The following INPP4B variants were observed in gnomAD, a reference collection of about 807,000 sequenced individuals.
INPP4B encodes the protein inositol polyphosphate-4-phosphatase type II B.
Under a neutral mutation model 122.5 loss-of-function variants are expected in INPP4B, and 55 were observed. That is an observed-to-expected ratio of 0.45 (90% CI 0.36 to 0.56). INPP4B has a LOEUF of 0.56. INPP4B is among the 20% of genes least tolerant of loss of function. INPP4B has a pLI of 0.00. For synonymous variants in INPP4B, 403 were observed against 388.7 expected, an observed-to-expected ratio of 1.04 and a Z score of -0.43; for missense variants, 1,000 against 1,097.7, an observed-to-expected ratio of 0.91 and a Z score of 1.26.
At position 142,421,311 on chromosome 4, in the gene INPP4B, G is replaced by T. The variant is rs561533989; in HGVS notation, c.136+7862C>A. Reference sequence around the variant, plus strand: ...TCAAAATTGACATAGCTCAAAGAAAGGCTCAATGGGAAAATTATTGTCTAT... The same window carrying T: ...TCAAAATTGACATAGCTCAAAGAAATGCTCAATGGGAAAATTATTGTCTAT... On this transcript the variant is annotated intron_variant, in intron 5 of 25. Coordinates refer to ENST00000262992, the MANE Select transcript of INPP4B (RefSeq NM_001101669.3). 1.3e-5 allele frequency among the ~76,000 whole-genome samples: 2 copies of T among 152,158 alleles called. 1 individual carries two copies. Among genetic ancestry groups the T allele is most frequent in the South Asian group, 4.1e-4 (2 of 4,828 alleles).
chr4:142,379,885 G>T (rs1243968115), intron 7 of INPP4B, among the ~76,000 whole-genome samples: 1 of 152,200 alleles, frequency 6.6e-6, no homozygotes, highest in East Asian at 1.9e-4. Flanking sequence ...TCACAGCTGT[G>T]CCAGGAATGC....
At chr4:142,334,081 A>G (rs1177501806) in intron 7 of INPP4B, among the ~76,000 whole-genome samples, 1 of 152,014 alleles carries the variant, frequency 6.6e-6, no homozygotes, top group East Asian at 1.9e-4. Context: ...TATGAGTTTG[A>G]CTTTTTTAGA....
chr4:142,650,910 G>A (rs1291405774), intron 2 of INPP4B, among the ~76,000 whole-genome samples: 1 of 152,116 alleles, frequency 6.6e-6, no homozygotes, highest in Non-Finnish European at 1.5e-5. Flanking sequence ...CAAATCAACA[G>A]AATATGCATT....
Position 142,312,057 on chromosome 4 carries a change from C to T in INPP4B, c.423+2655G>A, listed in dbSNP as rs535643381. Among the ~76,000 whole-genome samples, 10 of 152,240 alleles carry T rather than the reference C, an allele frequency of 6.6e-5. No homozygotes were observed. In the South Asian group the frequency reaches 1.9e-3, roughly 28 times the overall value. On this transcript the variant is annotated intron_variant, in intron 8 of 25. Coordinates refer to ENST00000262992, the MANE Select transcript of INPP4B (RefSeq NM_001101669.3). ...ACGTTACTTGCCTTAGGGTACGTTCCTAATTGCAAAAATAGGCATGTCACA... is the reference window on the plus strand; with the variant it reads ...ACGTTACTTGCCTTAGGGTACGTTCTTAATTGCAAAAATAGGCATGTCACA...
At chr4:142,123,177 GTAATACTTGGCACAA>G (rs1246750028) in intron 20 of INPP4B, 100 bp downstream of exon 20, 1 of 821,764 alleles carries the variant, frequency 1.2e-6, no homozygotes, top group Admixed American at 3.0e-5. Context: ...TATTATTTTT[GTAATACTTGGCACAA>G]TAAAGGTTTA....
chr4:142,497,707 A>T (rs1168982363), intron 2 of INPP4B, among the ~76,000 whole-genome samples: 1 of 152,170 alleles, frequency 6.6e-6, no homozygotes, highest in Non-Finnish European at 1.5e-5. Flanking sequence ...TCCTAAAACA[A>T]CAATATTTCC....
chr4:142,624,039 G>A (rs186415493), intron 2 of INPP4B, among the ~76,000 whole-genome samples: 3,943 of 151,980 alleles, frequency 0.026, 74 homozygotes, highest in Non-Finnish European at 0.041. Flanking sequence ...ACGTGTGCAT[G>A]TGTCTTTAAA....
chr4:142,336,381 T>A (rs1229619152), intron 7 of INPP4B, among the ~76,000 whole-genome samples: 1 of 152,130 alleles, frequency 6.6e-6, no homozygotes, highest in Non-Finnish European at 1.5e-5. Context: ...AAAAGAGCAG[T>A]CACACTTCTG....
chr4:142,423,740 T>C (rs1807426605), intron 5 of INPP4B: 1 of 426,184 alleles, frequency 2.3e-6, no homozygotes, highest in Non-Finnish European at 4.6e-6. Context: ...TGACACTTTT[T>C]ACAATCATCC....
intron 11 of INPP4B, among the ~76,000 whole-genome samples, chr4:142,257,750 T>A (rs1013774416): frequency 6.7e-4 from 102 of 152,256 alleles, no homozygotes; most frequent in African/African-American, 2.3e-3. Flanking sequence ...GTAGGATGAA[T>A]CAATATCGTG....
chr4:142,441,309 C>A (rs1223502769), intron 3 of INPP4B, among the ~76,000 whole-genome samples: 1 of 151,894 alleles, frequency 6.6e-6, no homozygotes, highest in East Asian at 1.9e-4. Context: ...AATCTAGATT[C>A]TAAGTTATTA....
intron 3 of INPP4B, among the ~76,000 whole-genome samples, chr4:142,450,608 A>G (rs1040382555): frequency 6.6e-6 from 1 of 152,230 alleles, no homozygotes; most frequent in Non-Finnish European, 1.5e-5. Flanking sequence ...AACAGTAGCC[A>G]CAATTTTCTG....
At chr4:142,607,071 T>TATTTCTA in intron 2 of INPP4B, among the ~76,000 whole-genome samples, 1 of 151,928 alleles carries the variant, frequency 6.6e-6, no homozygotes, top group African/African-American at 2.4e-5. Flanking sequence ...CTATTTTACA[T>TATTTCTA]ATATGGTATT....
intron 2 of INPP4B, among the ~76,000 whole-genome samples, chr4:142,492,378 G>T (rs369586791): frequency 6.6e-6 from 1 of 152,120 alleles, no homozygotes; most frequent in African/African-American, 2.4e-5. Flanking sequence ...GAAACCTTTT[G>T]CAGGGCTCAG....
chr4:142,072,413 C>G (rs1768003550), intron 25 of INPP4B, among the ~76,000 whole-genome samples: 1 of 151,420 alleles, frequency 6.6e-6, no homozygotes, highest in African/African-American at 2.4e-5. Context: ...ACCAACATGG[C>G]ACATGTATAC....
chr4:142,776,196 G>A (rs562190720), intron 1 of INPP4B, among the ~76,000 whole-genome samples: 1 of 152,254 alleles, frequency 6.6e-6, no homozygotes, highest in Non-Finnish European at 1.5e-5. Flanking sequence ...TGTGGGCTAA[G>A]GTCTACTACC....
intron 5 of INPP4B, chr4:142,423,638 T>C (rs1807401150): frequency 3.7e-6 from 1 of 266,814 alleles, no homozygotes; most frequent in Non-Finnish European, 7.4e-6. Flanking sequence ...CCAGTACATA[T>C]TGTTGTGAAA....
chr4:142,229,610 C>T (rs772358708), intron 12 of INPP4B, among the ~76,000 whole-genome samples: 5 of 152,058 alleles, frequency 3.3e-5, no homozygotes, highest in African/African-American at 4.8e-5. Context: ...ATGATCAGGA[C>T]CAAGCAACTC....
At chr4:142,258,279 G>A (rs1737582404) in intron 11 of INPP4B, among the ~76,000 whole-genome samples, 1 of 152,066 alleles carries the variant, frequency 6.6e-6, no homozygotes, top group Admixed American at 6.6e-5. Context: ...TTACCATTCA[G>A]GACACAGGCA....
Sources: allele counts gnomAD v4.1 joint callset (sites outside exome capture counted in the v4.1 genomes callset), GRCh38; gene constraint gnomAD v4.1.1; transcripts MANE v1.5; gene names NCBI Gene and HGNC (gene_info 2026-07-23, HGNC 2026-07-21).